The following PDGFD variants were observed in gnomAD, a reference collection of about 807,000 sequenced individuals.
PDGFD encodes the protein platelet derived growth factor D.
Under a neutral mutation model 44.7 loss-of-function variants are expected in PDGFD, and 30 were observed. The ratio of observed to expected loss-of-function variants is 0.67; its 90% confidence interval spans 0.50 to 0.91. The LOEUF (loss-of-function observed/expected upper bound fraction) is 0.91, where lower values mean the gene tolerates loss of function less well. PDGFD is among the 40% of genes least tolerant of loss of function. The pLI, the probability that PDGFD is intolerant of heterozygous loss-of-function variation, is 0.00. For synonymous variants in PDGFD, 173 were observed against 168.4 expected (o/e 1.03, Z -0.21); for missense variants, 445 against 457.8 (o/e 0.97, Z 0.25).
At chr11:104,078,484 C>A (rs892654740) in intron 1 of PDGFD, among the ~76,000 whole-genome samples, 1 of 92,694 alleles carries the variant, frequency 1.1e-5, no homozygotes, top group Non-Finnish European at 2.1e-5. Flanking sequence ...CCTTACCCTA[C>A]CACTCTCTCC....
chr11:104,154,068 C>T (rs899911821), intron 1 of PDGFD, among the ~76,000 whole-genome samples: 5 of 152,020 alleles, frequency 3.3e-5, no homozygotes, highest in African/African-American at 4.8e-5. Flanking sequence ...GTGATAAATA[C>T]CCCTTTATTT....
chr11:104,116,931 C>G (rs564620813), intron 1 of PDGFD, among the ~76,000 whole-genome samples: 14 of 152,006 alleles, frequency 9.2e-5, no homozygotes, highest in Admixed American at 2.6e-4. Context: ...TGAGGCCTCC[C>G]CAGCCATGTG....
At chr11:103,998,711 T>A (rs543053043) in intron 2 of PDGFD, among the ~76,000 whole-genome samples, 1 of 152,320 alleles carries the variant, frequency 6.6e-6, no homozygotes, top group South Asian at 2.1e-4. Flanking sequence ...GCTTGGAAGC[T>A]GCAACTGACA....
intron 3 of PDGFD, among the ~76,000 whole-genome samples, chr11:103,987,008 C>T (rs1859376308): frequency 6.6e-6 from 1 of 152,044 alleles, no homozygotes; most frequent in Non-Finnish European, 1.5e-5. Flanking sequence ...AAGAGGAGAG[C>T]TTCAACTCCC....
intron 1 of PDGFD, among the ~76,000 whole-genome samples, chr11:104,017,290 G>C (rs1016515650): frequency 6.6e-6 from 1 of 152,166 alleles, no homozygotes; most frequent in Non-Finnish European, 1.5e-5. Flanking sequence ...ATGGCAGCTT[G>C]AGCGGACTAA....
At chr11:104,050,314 A>C (rs1860511887) in intron 1 of PDGFD, among the ~76,000 whole-genome samples, 1 of 152,144 alleles carries the variant, frequency 6.6e-6, no homozygotes, top group Non-Finnish European at 1.5e-5. Context: ...TCAGTGAAAT[A>C]AGAATAAAAG....
At chr11:103,963,822 T>C (rs1858975685) in intron 3 of PDGFD, among the ~76,000 whole-genome samples, 1 of 152,192 alleles carries the variant, frequency 6.6e-6, no homozygotes. Context: ...AGCTAATTTA[T>C]GCAGGAATTT....
intron 1 of PDGFD, among the ~76,000 whole-genome samples, chr11:104,076,449 G>A (rs1250421133): frequency 6.6e-6 from 1 of 152,120 alleles, no homozygotes; most frequent in Non-Finnish European, 1.5e-5. Flanking sequence ...ACTTGTTGCA[G>A]GGGCAGGTCT....
chr11:103,977,505 T>C lies in PDGFD; in HGVS notation c.510+18560A>G, dbSNP rs115483042. On this transcript the variant is annotated intron_variant, in intron 3 of 6. Transcript: ENST00000393158. ...AAAGCTTGTCCACCATGATCAACTG[T>C]TCATGCATTTAGTATTGGTTTAACT... Among the ~76,000 whole-genome samples the C allele has an allele frequency of 8.1e-3, 1,231 of 152,038 alleles. 24 individuals carry two copies. Among genetic ancestry groups the C allele is most frequent in the African/African-American group, 0.028 (1,175 of 41,536 alleles).
chr11:104,103,976 T>C (rs921110892), intron 1 of PDGFD, among the ~76,000 whole-genome samples: 5 of 152,032 alleles, frequency 3.3e-5, no homozygotes, highest in Admixed American at 2.6e-4. Context: ...GACAGCTCTA[T>C]GAGTGTTAGG....
intron 1 of PDGFD, among the ~76,000 whole-genome samples, chr11:104,102,608 G>C (rs990203634): frequency 1.1e-4 from 17 of 152,138 alleles, no homozygotes; most frequent in Admixed American, 8.5e-4. Flanking sequence ...AAATCATGCT[G>C]CTATAAAGAC....
At chr11:104,003,940 G>C (rs367753382) in intron 1 of PDGFD, among the ~76,000 whole-genome samples, 16 of 152,140 alleles carry the variant, frequency 1.1e-4, no homozygotes, top group African/African-American at 3.9e-4. Flanking sequence ...GCCCAGAAAA[G>C]GGACAATTTC....
chr11:103,996,250 A>G lies in PDGFD; in HGVS notation c.330-5T>C, dbSNP rs367744161. Reference sequence around the variant, plus strand: ...TCAACTTCCACAAAATCATACCTAGAATCAATTGGACATAATGAACAAGTT... The same window carrying G: ...TCAACTTCCACAAAATCATACCTAGGATCAATTGGACATAATGAACAAGTT... On this transcript the variant is annotated splice_polypyrimidine_tract_variant and splice_region_variant and intron_variant, in intron 2 of 6. Transcript: ENST00000393158. 1 of 1,603,344 alleles carries G rather than the reference A, an allele frequency of 6.2e-7. No homozygotes were observed. Among genetic ancestry groups the G allele is most frequent in the Non-Finnish European group, 8.5e-7 (1 of 1,173,902 alleles).
Position 103,909,838 on chromosome 11 carries a change from C to G in PDGFD, c.988-19G>C, listed in dbSNP as rs758070297. 6 of 1,614,012 alleles carry G rather than the reference C, an allele frequency of 3.7e-6. No individual in the cohort carries two copies. The highest frequency in any genetic ancestry group is 1.3e-5 in the African/African-American group (1 of 75,040). On this transcript the variant is annotated intron_variant, in intron 6 of 6. Coordinates refer to ENST00000393158, the MANE Select transcript of PDGFD (RefSeq NM_025208.5). ...GTAATACCTAGGACAAGAAGCACAT[C>G]TCCTGTTAGAAAGCCTTTGGAGTTC...
chr11:104,157,773 T>C (rs10895594), intron 1 of PDGFD, among the ~76,000 whole-genome samples: 6,446 of 152,286 alleles, frequency 0.042, 268 homozygotes, highest in East Asian at 0.15. Flanking sequence ...TGAAAATTGA[T>C]AAGGAAGCAG....
At position 103,943,461 on chromosome 11, in the gene PDGFD, T is replaced by C; in HGVS notation, c.763A>G (p.Lys255Glu). ...RYRGRSYHDR[K>E]SKVDLDRLND... The stretch of plus-strand genomic sequence containing the variant: ...AGTGTCTGTCTCTTACCTTTTGACT[T>C]CCGGTCATGGTATGACCTGCCTCGA... The change falls in exon 5 of 7, where the codon AAG becomes GAG. Residue 255 changes from lysine (K) to glutamate (E), a missense_variant. By Grantham distance (56) the Lys-to-Glu change is moderately conservative (BLOSUM62 1). Coordinates refer to ENST00000393158, the MANE Select transcript of PDGFD (RefSeq NM_025208.5). 6.2e-7 allele frequency: 1 copy of C among 1,611,624 alleles called. No homozygotes were observed. Among genetic ancestry groups the C allele is most frequent in the Non-Finnish European group, 8.5e-7 (1 of 1,178,918 alleles).
chr11:104,000,159 G>A lies in PDGFD; in HGVS notation c.221C>T (p.Pro74Leu). Reference sequence around the variant, plus strand: ...CCGCCATGTCAGGAGCAGGTTCCTGGGGTAGCTGTTCGGGAATCTAGGACT... The same window carrying A: ...CCGCCATGTCAGGAGCAGGTTCCTGAGGTAGCTGTTCGGGAATCTAGGACT... ...VQSPRFPNSY[P>L]RNLLLTWRLH... The change falls in exon 2 of 7, where the codon CCC becomes CTC. Residue 74 changes from proline to leucine, a missense_variant. Transcript: ENST00000393158. 1 of 1,613,978 alleles carries A rather than the reference G, an allele frequency of 6.2e-7. No homozygotes were observed. Among genetic ancestry groups the A allele is most frequent in the Non-Finnish European group, 8.5e-7 (1 of 1,179,936 alleles).
chr11:103,986,777 C>G (rs1859371571), intron 3 of PDGFD, among the ~76,000 whole-genome samples: 1 of 152,174 alleles, frequency 6.6e-6, no homozygotes, highest in Admixed American at 6.6e-5. Context: ...AAGAAATTAG[C>G]CACAAGATTA....
intron 1 of PDGFD, among the ~76,000 whole-genome samples, chr11:104,088,211 G>A (rs1320912435): frequency 6.6e-6 from 1 of 152,164 alleles, no homozygotes; most frequent in African/African-American, 2.4e-5. Context: ...GTGTATGGTG[G>A]TTGCTGAGTA....
Sources: allele counts gnomAD v4.1 joint callset (sites outside exome capture counted in the v4.1 genomes callset), GRCh38; gene constraint gnomAD v4.1.1; transcripts MANE v1.5; gene names NCBI Gene and HGNC (gene_info 2026-07-23, HGNC 2026-07-21).